The following ZFAT variants were observed in gnomAD, a reference collection of about 807,000 sequenced individuals.
ZFAT encodes the protein zinc finger protein ZFAT.
In ZFAT, 64 loss-of-function variants were observed where a neutral mutation model predicts 117.7. That is an observed-to-expected ratio of 0.54 (90% CI 0.44 to 0.67). The LOEUF (loss-of-function observed/expected upper bound fraction) is 0.67. Among genes scored for constraint, ZFAT ranks in the 30% least tolerant of loss-of-function variants. The pLI is 0.00. For synonymous variants in ZFAT, 679 were observed against 615.0 expected, an observed-to-expected ratio of 1.10 and a Z score of -1.54; for missense variants, 1,433 against 1,584.5, an observed-to-expected ratio of 0.90 and a Z score of 1.62.
chr8:134,558,272 C>T lies in ZFAT; in HGVS notation c.2976+7061G>A, dbSNP rs1325035985. Among the ~76,000 whole-genome samples, 4 of 152,168 alleles carry T rather than the reference C, an allele frequency of 2.6e-5. No individual in the cohort carries two copies. The East Asian group carries it at 5.8e-4, about 22-fold the overall frequency. On this transcript the variant is annotated intron_variant, in intron 11 of 15. Coordinates refer to ENST00000377838, the MANE Select transcript of ZFAT (RefSeq NM_020863.4). ...CTCCCCAGCACCCCAGCACTTCCTC[C>T]CCAGGAATGGCTTGGCAGGGCTGAT...
the ZFAT span, among the ~76,000 whole-genome samples, chr8:134,799,970 A>G: frequency 1.3e-5 from 2 of 152,170 alleles, no homozygotes; most frequent in South Asian, 2.1e-4. Flanking sequence ...ATGCAATCAC[A>G]TACTTATTTT....
intron 10 of ZFAT, among the ~76,000 whole-genome samples, chr8:134,570,093 A>G (rs1203591724): frequency 1.3e-5 from 2 of 151,970 alleles, no homozygotes; most frequent in East Asian, 3.9e-4. Context: ...TCCACTCCAT[A>G]GACACAGTCC....
At chr8:134,750,407 G>GT in the ZFAT span, among the ~76,000 whole-genome samples, 1 of 151,760 alleles carries the variant, frequency 6.6e-6, no homozygotes, top group African/African-American at 2.4e-5. Flanking sequence ...AAAAATGATA[G>GT]TTTTTTCCTT....
intron 6 of ZFAT, among the ~76,000 whole-genome samples, 165 bp downstream of exon 6, chr8:134,601,312 C>T (rs1017645763): frequency 6.6e-6 from 1 of 152,210 alleles, no homozygotes; most frequent in Non-Finnish European, 1.5e-5. Flanking sequence ...CACAAGACTC[C>T]AAGCGCTAAC....
the ZFAT span, among the ~76,000 whole-genome samples, chr8:134,812,591 T>A: frequency 1.1e-4 from 17 of 152,160 alleles, no homozygotes; most frequent in East Asian, 2.5e-3. Flanking sequence ...AAAAATTAAT[T>A]GGGCATGGTG....
intron 2 of ZFAT, among the ~76,000 whole-genome samples, chr8:134,654,237 G>C (rs183811896): frequency 1.3e-5 from 2 of 152,082 alleles, no homozygotes; most frequent in African/African-American, 4.8e-5. Context: ...GGACGTTGCA[G>C]TGAGCCAAGA....
At chr8:134,600,695 A>G in intron 6 of ZFAT, 27 bp from the exon 7 acceptor site, 5 of 1,515,182 alleles carry the variant, frequency 3.3e-6, no homozygotes, top group Non-Finnish European at 4.4e-6. Flanking sequence ...ACATGAGAAC[A>G]AGGAAGTTTC....
At chr8:134,687,136 C>T (rs1833361371) in intron 1 of ZFAT, among the ~76,000 whole-genome samples, 1 of 152,212 alleles carries the variant, frequency 6.6e-6, no homozygotes, top group Non-Finnish European at 1.5e-5. Flanking sequence ...AGGTGCCTCC[C>T]TTCCAGCTCT....
the ZFAT span, among the ~76,000 whole-genome samples, chr8:134,789,853 T>C: frequency 4.6e-5 from 7 of 152,234 alleles, no homozygotes; most frequent in African/African-American, 9.6e-5. Context: ...AGTATAGCTG[T>C]TGTCTGTAAT....
intron 3 of ZFAT, among the ~76,000 whole-genome samples, chr8:134,631,519 G>T (rs1829887564): frequency 6.6e-6 from 1 of 152,184 alleles, no homozygotes; most frequent in South Asian, 2.1e-4. Context: ...CATAAAATTA[G>T]AACTTAGGTC....
chr8:134,524,453 T>G (rs1029587386), intron 12 of ZFAT, among the ~76,000 whole-genome samples: 5 of 152,156 alleles, frequency 3.3e-5, no homozygotes, highest in Non-Finnish European at 7.4e-5. Flanking sequence ...GATTATAAAT[T>G]TAAACTAGAA....
chr8:134,800,716 G>A, the ZFAT span: 2 of 335,022 alleles, frequency 6.0e-6, no homozygotes, highest in South Asian at 2.5e-5. Flanking sequence ...AGACTCAATC[G>A]GAAAGATATC....
At chr8:134,734,985 C>T in the ZFAT span, among the ~76,000 whole-genome samples, 1 of 152,164 alleles carries the variant, frequency 6.6e-6, no homozygotes, top group African/African-American at 2.4e-5. Context: ...ATGAACCACA[C>T]CTGCCATTTG....
In ZFAT at chr8:134,478,255, T is replaced by C. The variant is rs1817017330; in HGVS notation, c.*227A>G. Reference sequence around the variant, plus strand: ...TCTTTCAGGAAGCAGATGGTAAGGGTCAGGGGGTGTGTGTCTATGCTGGGG... The same window carrying C: ...TCTTTCAGGAAGCAGATGGTAAGGGCCAGGGGGTGTGTGTCTATGCTGGGG... On this transcript the variant is annotated 3_prime_UTR_variant, in exon 16 of 16. Coordinates refer to ENST00000377838, the MANE Select transcript of ZFAT (RefSeq NM_020863.4). This position sits in a 1 kb window ranked among gnomAD's most constrained non-coding sequence, Gnocchi z 5.2. 5 of 598,866 alleles carry C rather than the reference T, an allele frequency of 8.3e-6. No homozygotes were observed. Among genetic ancestry groups the C allele is most frequent in the South Asian group, 8.3e-5 (4 of 48,314 alleles). 37.1% of individuals were successfully genotyped at this position (598,866 alleles called of 1,614,324 possible). A position where few individuals can be genotyped will look rare whatever the true frequency, so the allele number is the denominator to read the frequency against.
chr8:134,747,845 A>G, the ZFAT span, among the ~76,000 whole-genome samples: 1 of 152,202 alleles, frequency 6.6e-6, no homozygotes, highest in African/African-American at 2.4e-5. Context: ...CAAAGACGTA[A>G]ATTAATCTGA....
intron 2 of ZFAT, among the ~76,000 whole-genome samples, chr8:134,644,600 C>G (rs943326219): frequency 6.6e-6 from 1 of 151,298 alleles, no homozygotes; most frequent in Non-Finnish European, 1.5e-5. Context: ...TACACAACCA[C>G]ATACACATGT....
At chr8:134,528,861 GT>G (rs1821206428) in intron 12 of ZFAT, among the ~76,000 whole-genome samples, 1 of 152,230 alleles carries the variant, frequency 6.6e-6, no homozygotes, top group Admixed American at 6.5e-5. Flanking sequence ...CGACTGCCTT[GT>G]TTGACACCAA....
At chr8:134,661,154 G>C (rs764670682) in intron 1 of ZFAT, among the ~76,000 whole-genome samples, 20 of 152,374 alleles carry the variant, frequency 1.3e-4, no homozygotes, top group Non-Finnish European at 2.5e-4. Context: ...GAGACAACCA[G>C]AGCTCAGTGC....
At chr8:134,513,488 G>A (rs1005973254) in intron 13 of ZFAT, among the ~76,000 whole-genome samples, 1 of 152,098 alleles carries the variant, frequency 6.6e-6, no homozygotes, top group African/African-American at 2.4e-5. Flanking sequence ...ATTCTTATTC[G>A]AACATGAAAG....
Sources: gnomAD v4.1 joint callset for allele counts (sites outside exome capture counted in the v4.1 genomes callset) on GRCh38, gnomAD v4.1.1 for gene constraint, Gnocchi (gnomAD v3.1) non-coding constraint, MANE v1.5 for transcripts, NCBI Gene and HGNC (gene_info 2026-07-23, HGNC 2026-07-21) for gene names.